The following WDR62 variants were observed in gnomAD, a reference collection of about 807,000 sequenced individuals.
The protein encoded by WDR62 is WD repeat domain 62, also known as WD repeat-containing protein 62.
Under a neutral mutation model 160.6 loss-of-function variants are expected in WDR62, and 112 were observed. The observed-to-expected ratio is 0.70, with a 90% CI of 0.60 to 0.82. The LOEUF (loss-of-function observed/expected upper bound fraction) is 0.82, where lower values mean the gene tolerates loss of function less well. WDR62 is among the 40% of genes least tolerant of loss of function. WDR62 has a pLI of 0.00. For missense variants in WDR62, 1,819 were observed against 1,983.8 expected (o/e 0.92, Z 1.58); for synonymous variants, 792 against 815.1 (o/e 0.97, Z 0.48).
intron 1 of WDR62, among the ~76,000 whole-genome samples, chr19:36,057,801 T>C (rs548054418): frequency 6.6e-6 from 1 of 152,282 alleles, no homozygotes; most frequent in Admixed American, 6.5e-5. Context: ...TTCATGTGGT[T>C]TTTTACTCGT....
In WDR62 at chr19:36,100,773, G is replaced by A. The variant is rs749718711; in HGVS notation, c.2765G>A (p.Arg922His). Residue 922 changes from arginine to histidine, a missense_variant, in exon 23 of 32, where the codon CGC becomes CAC. Arg to His is a conservative substitution (Grantham distance 29, BLOSUM62 0). This residue lies in a region of WDR62 where 934 missense variants were observed against 1,157.2 expected (regional missense o/e 0.81). Transcript: ENST00000401500. The stretch of plus-strand genomic sequence containing the variant: ...TCAGAGAGTCCCCAGGAAGCTGGCC[G>A]CGGGCACCCCTCCTTCCTGCCCCAG... ...SESESPQEAGRGHPSFLPQQK... is the reference protein window; with the variant it reads ...SESESPQEAGHGHPSFLPQQK... The A allele has an allele frequency of 3.1e-5, 50 of 1,614,026 alleles. No homozygotes were observed. The highest frequency in any genetic ancestry group is 1.3e-4 in the Admixed American group (8 of 59,998).
chr19:36,106,942 C>G (rs768426566), downstream of WDR62, among the ~76,000 whole-genome samples: 36 of 152,132 alleles, frequency 2.4e-4, no homozygotes, highest in Non-Finnish European at 4.9e-4. Context: ...CTGCCTAGTT[C>G]GGCCACCATT....
chr19:36,092,507 G>A (rs1972681684), intron 18 of WDR62, among the ~76,000 whole-genome samples, 182 bp from the exon 19 acceptor site: 1 of 148,008 alleles, frequency 6.8e-6, no homozygotes, highest in African/African-American at 2.6e-5. Context: ...CCCAGACCTG[G>A]GCCCAGGGTG....
chr19:36,084,708 G>A lies in WDR62; in HGVS notation c.1606G>A (p.Glu536Lys), dbSNP rs975220912. ...ELVKVEAHDA[E>K]VLCLEYSKPE... ...GGTCAAGGTGGAGGCCCATGATGCTGAGGTGCTGTGCCTGGAGTACTCCAA... is the reference window on the plus strand; with the variant it reads ...GGTCAAGGTGGAGGCCCATGATGCTAAGGTGCTGTGCCTGGAGTACTCCAA... Residue 536 changes from glutamate to lysine, a missense_variant, in exon 12 of 32, where the codon GAG becomes AAG. By Grantham distance (56) the Glu-to-Lys change is moderately conservative. Coordinates refer to ENST00000401500, the MANE Select transcript of WDR62 (RefSeq NM_001083961.2). 6.2e-7 allele frequency: 1 copy of A among 1,613,864 alleles called. No individual in the cohort carries two copies. Among genetic ancestry groups the A allele is most frequent in the Non-Finnish European group, 8.5e-7 (1 of 1,180,002 alleles).
chr19:36,096,501 C>T (rs954810233), intron 20 of WDR62, among the ~76,000 whole-genome samples: 1 of 151,740 alleles, frequency 6.6e-6, no homozygotes, highest in Non-Finnish European at 1.5e-5. Context: ...TTCAGGAGAT[C>T]GAGACCATCC....
chr19:36,071,796 A>G (rs979607357), intron 8 of WDR62, 80 bp downstream of exon 8: 13 of 1,521,442 alleles, frequency 8.5e-6, no homozygotes, highest in Non-Finnish European at 1.2e-5. Flanking sequence ...TTCCAGATCC[A>G]TCTATCTGTC....
downstream of WDR62, among the ~76,000 whole-genome samples, chr19:36,109,958 G>C (rs1219105512): frequency 6.6e-6 from 1 of 151,570 alleles, no homozygotes; most frequent in African/African-American, 2.4e-5. Flanking sequence ...GGAAGGCTGA[G>C]GCAGGAGACT....
chr19:36,069,795 C>T (rs1044218255), intron 7 of WDR62, among the ~76,000 whole-genome samples: 4 of 152,246 alleles, frequency 2.6e-5, no homozygotes, highest in Admixed American at 2.0e-4. Context: ...TGGAGACCAG[C>T]CCGGCCAACA....
chr19:36,086,433 GCGT>G (rs1972235630), intron 12 of WDR62, among the ~76,000 whole-genome samples: 1 of 152,132 alleles, frequency 6.6e-6, no homozygotes, highest in Non-Finnish European at 1.5e-5. Flanking sequence ...CCCTGGAGGA[GCGT>G]CCATGCGCCC....
intron 3 of WDR62, chr19:36,061,100 A>G (rs956109985): frequency 6.6e-6 from 1 of 152,154 alleles, no homozygotes; most frequent in Non-Finnish European, 1.5e-5. Flanking sequence ...ATGGATAAGG[A>G]GTGGGTTTTC....
intron 19 of WDR62, 95 bp downstream of exon 19, chr19:36,092,906 T>C (rs1349633399): frequency 1.9e-6 from 3 of 1,588,854 alleles, no homozygotes; most frequent in Non-Finnish European, 2.6e-6. Flanking sequence ...AAGACAGCCC[T>C]AGGCCCTGCC....
the WDR62 span, among the ~76,000 whole-genome samples, chr19:36,110,945 G>A: frequency 6.6e-6 from 1 of 152,050 alleles, no homozygotes; most frequent in Non-Finnish European, 1.5e-5. Context: ...GCCTGGCTCT[G>A]CTTGGTGGTC....
Position 36,054,951 on chromosome 19 carries a change from T to C in WDR62, c.-21T>C, listed in dbSNP as rs1970263938. 1 of 1,569,430 alleles carries C rather than the reference T, an allele frequency of 6.4e-7. No homozygotes were observed. The highest frequency in any genetic ancestry group is 2.3e-5 in the East Asian group (1 of 42,892). ...CAGCGGCGGTTAGGGGATGTAACGG[T>C]CGCCCGCCTCCGGCGTGACGATGGC... is the stretch of plus-strand genomic sequence containing the variant. On this transcript the variant is annotated 5_prime_UTR_variant, in exon 1 of 32. Transcript: ENST00000401500.
chr19:36,069,673 C>G (rs139382274), intron 7 of WDR62, among the ~76,000 whole-genome samples: 1,796 of 152,138 alleles, frequency 0.012, 29 homozygotes, highest in African/African-American at 0.038. Context: ...TAGCCAAGAT[C>G]GCGCCACTGC....
rs932536381 is a variant in WDR62 at position 36,069,190 on chromosome 19, G to A, written c.882+1180G>A. On this transcript the variant is annotated intron_variant, in intron 7 of 31. Coordinates refer to ENST00000401500, the MANE Select transcript of WDR62 (RefSeq NM_001083961.2). ...CGGGGGCTGACCCCCACCTCCCTCCGGGACGGGGCGGCTGCTGGGCGGAGA... is the reference window on the plus strand; with the variant it reads ...CGGGGGCTGACCCCCACCTCCCTCCAGGACGGGGCGGCTGCTGGGCGGAGA... Among the ~76,000 whole-genome samples the A allele has an allele frequency of 4.2e-5, 6 of 143,852 alleles. No homozygotes were observed. In the East Asian group the frequency reaches 1.0e-3, roughly 24 times the overall value. 94.4% of individuals were successfully genotyped at this position (143,852 alleles called of 152,430 possible).
At chr19:36,104,441 G>T in intron 30 of WDR62, 77 bp from the exon 31 acceptor site, 1 of 1,569,392 alleles carries the variant, frequency 6.4e-7, no homozygotes, top group Non-Finnish European at 8.7e-7. Context: ...GTACAGCATG[G>T]AGTCCACCCA....
rs368993695 is a variant in WDR62 at position 36,101,982 on chromosome 19, C to T, written c.3083-32C>T. 2.1e-4 allele frequency: 341 copies of T among 1,613,850 alleles called. 1 individual carries two copies. In the African/African-American group the frequency reaches 4.0e-3, roughly 19 times the overall value. The stretch of plus-strand genomic sequence containing the variant: ...CGTCTGCTGTGACTCATGGTGTTGG[C>T]TCCTCTTGTCCCTCCCCTCCTTCCC... On this transcript the variant is annotated intron_variant, in intron 25 of 31. Transcript: ENST00000401500.
chr19:36,061,699 A>T (rs1216426095), intron 3 of WDR62: 1 of 152,158 alleles, frequency 6.6e-6, no homozygotes, highest in Non-Finnish European at 1.5e-5. Flanking sequence ...GTGGGTGTGC[A>T]TTAGGAGGTG....
chr19:36,075,998 GTTTTA>G (rs1483053241), intron 9 of WDR62: 3 of 151,980 alleles, frequency 2.0e-5, no homozygotes, highest in Non-Finnish European at 4.4e-5. Context: ...AAGGTAACTA[GTTTTA>G]TTTAATATCA....
Sources: gnomAD v4.1 joint callset for allele counts (sites outside exome capture counted in the v4.1 genomes callset) on GRCh38, gnomAD v4.1.1 for gene constraint, gnomAD v4.1.1 regional missense constraint, MANE v1.5 for transcripts, NCBI Gene and HGNC (gene_info 2026-07-23, HGNC 2026-07-21) for gene names.